GTF2A1L: variants seen among roughly 807,000 people sequenced by gnomAD.
GTF2A1L encodes the protein TFIIA-alpha and beta-like factor.
In GTF2A1L, 48 loss-of-function variants were observed where a neutral mutation model predicts 49.7. The observed-to-expected ratio is 0.97, with a 90% CI of 0.77 to 1.23. GTF2A1L has a LOEUF of 1.23. Ranked by LOEUF, GTF2A1L falls within the 50% of genes most tolerant of loss-of-function variation. The probability of loss-of-function intolerance (pLI) is 0.00; values close to 1 mark genes in which losing one functional copy is unlikely to be tolerated. For missense variants in GTF2A1L, 736 were observed against 564.8 expected, an observed-to-expected ratio of 1.30 and a Z score of -3.07; for synonymous variants, 246 against 193.5, an observed-to-expected ratio of 1.27 and a Z score of -2.25.
chr2:48,659,412 A>T (rs1018618380), intron 6 of GTF2A1L, among the ~76,000 whole-genome samples: 5 of 152,044 alleles, frequency 3.3e-5, no homozygotes, highest in African/African-American at 1.2e-4. Flanking sequence ...GAAATTTAAG[A>T]CTTTCAATTT....
intron 3 of GTF2A1L, among the ~76,000 whole-genome samples, chr2:48,631,701 G>T (rs1676588076): frequency 6.6e-6 from 1 of 151,868 alleles, no homozygotes; most frequent in South Asian, 2.1e-4. Flanking sequence ...TTTTCATCTG[G>T]CTCTAGGGTT....
chr2:48,651,881 C>A (rs963573821), intron 6 of GTF2A1L, among the ~76,000 whole-genome samples: 2 of 152,070 alleles, frequency 1.3e-5, no homozygotes, highest in East Asian at 1.9e-4. Flanking sequence ...CATTGATGAT[C>A]TATGTGGTGG....
intron 8 of GTF2A1L, among the ~76,000 whole-genome samples, chr2:48,677,847 G>A (rs1275024789): frequency 3.3e-5 from 5 of 151,950 alleles, no homozygotes; most frequent in African/African-American, 1.2e-4. Flanking sequence ...TAAGTAGCAA[G>A]CATAAAGAAT....
Position 48,621,376 on chromosome 2 carries a change from G to A in GTF2A1L, c.247+86G>A, listed in dbSNP as rs17037472. On this transcript the variant is annotated intron_variant, in intron 3 of 8. Coordinates refer to ENST00000403751, the MANE Select transcript of GTF2A1L (RefSeq NM_006872.5). ...ATGTTTTTCAGTTAGACAGGGTAAT[G>A]TTCTTAGGGTGAGAAGGCTTGGACA... 91 of 1,580,912 alleles carry A rather than the reference G, an allele frequency of 5.8e-5. 2 individuals are homozygous for A. In the South Asian group the frequency reaches 9.3e-4, roughly 16 times the overall value.
chr2:48,679,072 A>G (rs1291584978), intron 8 of GTF2A1L, among the ~76,000 whole-genome samples: 1 of 151,868 alleles, frequency 6.6e-6, no homozygotes, highest in African/African-American at 2.4e-5. Context: ...TTGGTTTTAC[A>G]TATACAGGAT....
intron 6 of GTF2A1L, among the ~76,000 whole-genome samples, chr2:48,667,345 C>G (rs1678910688): frequency 6.6e-6 from 1 of 152,116 alleles, no homozygotes; most frequent in African/African-American, 2.4e-5. Context: ...GGACATTACT[C>G]TTCTTATAGA....
At chr2:48,664,078 A>C (rs138908770) in intron 6 of GTF2A1L, among the ~76,000 whole-genome samples, 1 of 152,116 alleles carries the variant, frequency 6.6e-6, no homozygotes, top group East Asian at 1.9e-4. Flanking sequence ...TGTAGACTAT[A>C]ATCTATTTTG....
chr2:48,659,365 TTTA>T (rs1275298210), intron 6 of GTF2A1L, among the ~76,000 whole-genome samples: 1 of 152,160 alleles, frequency 6.6e-6, no homozygotes, highest in Non-Finnish European at 1.5e-5. Flanking sequence ...TCACACTATT[TTTA>T]TTATTGTAAT....
At position 48,671,693 on chromosome 2, in the gene GTF2A1L, CCTTT is replaced by C. The variant is rs1228187096; in HGVS notation, c.1329+14_1329+17del. On this transcript the variant is annotated intron_variant, in intron 8 of 8. Coordinates refer to ENST00000403751, the MANE Select transcript of GTF2A1L (RefSeq NM_006872.5). Reference sequence around the variant, plus strand: ...TCAGTATGATAAGGTACTGTATTTACCTTTTGGACTTTGGGTTTATTAACTGCAT... The same window carrying C: ...TCAGTATGATAAGGTACTGTATTTACTGGACTTTGGGTTTATTAACTGCAT... The C allele has an allele frequency of 6.2e-7, 1 of 1,601,410 alleles. No homozygotes were observed. The highest frequency in any genetic ancestry group is 2.2e-5 in the East Asian group (1 of 44,688).
chr2:48,660,847 G>A (rs1678454287), intron 6 of GTF2A1L, among the ~76,000 whole-genome samples: 1 of 152,028 alleles, frequency 6.6e-6, no homozygotes, highest in Non-Finnish European at 1.5e-5. Context: ...TGCCATGCTG[G>A]CCAGGCTGGT....
rs954516995 is a variant in GTF2A1L, at chr2:48,646,749, C to G, written c.685C>G (p.Pro229Ala). 1 of 1,614,036 alleles carries G rather than the reference C, an allele frequency of 6.2e-7. No individual in the cohort carries two copies. The highest frequency in any genetic ancestry group is 8.5e-7 in the Non-Finnish European group (1 of 1,180,034). Residue 229 changes from proline to alanine, a missense_variant, in exon 6 of 9, where the codon CCT becomes GCT. By Grantham distance (27) the Pro-to-Ala change is conservative. Transcript: ENST00000403751. Reference sequence around the variant, plus strand: ...TCCTGGAAATGAGCATAAAATCGTGCCTGAAGCTTTGTTGTGTCATCAGGA... The same window carrying G: ...TCCTGGAAATGAGCATAAAATCGTGGCTGAAGCTTTGTTGTGTCATCAGGA... ...VSPGNEHKIV[P>A]EALLCHQESS...
chr2:48,628,570 A>AT (rs1166235173), intron 3 of GTF2A1L, among the ~76,000 whole-genome samples: 1 of 143,024 alleles, frequency 7.0e-6, no homozygotes, highest in Non-Finnish European at 1.6e-5. Flanking sequence ...GGGTTATTTG[A>AT]TTTTTTGTGA....
intron 6 of GTF2A1L, among the ~76,000 whole-genome samples, chr2:48,666,363 G>A (rs1678840479): frequency 2.6e-5 from 4 of 151,884 alleles, no homozygotes; most frequent in South Asian, 2.1e-4. Flanking sequence ...GTGCCACCAC[G>A]CCCAGCTAAT....
chr2:48,667,997 C>T (rs1297633956), intron 6 of GTF2A1L, among the ~76,000 whole-genome samples: 1 of 152,146 alleles, frequency 6.6e-6, no homozygotes, highest in African/African-American at 2.4e-5. Flanking sequence ...TGCAAATTCC[C>T]AAGACTTTCC....
chr2:48,654,018 G>A (rs893066866), intron 6 of GTF2A1L, among the ~76,000 whole-genome samples: 2 of 151,020 alleles, frequency 1.3e-5, no homozygotes, highest in Admixed American at 6.6e-5. Flanking sequence ...TAGATAAGAT[G>A]ATAAACGTAT....
chr2:48,666,584 G>GGTGT (rs113492704), intron 6 of GTF2A1L, among the ~76,000 whole-genome samples: 19,299 of 146,980 alleles, frequency 0.13, 1,525 homozygotes, highest in East Asian at 0.28. Context: ...AACTTGTCAG[G>GGTGT]GTGTGTGTGT....
At chr2:48,664,233 A>G (rs573542106) in intron 6 of GTF2A1L, among the ~76,000 whole-genome samples, 30 of 152,180 alleles carry the variant, frequency 2.0e-4, no homozygotes, top group Admixed American at 1.3e-3. Flanking sequence ...TCTATCTTTC[A>G]CCAAGTGCTA....
At chr2:48,669,689 C>T (rs1679059108) in intron 6 of GTF2A1L, 33 bp from the exon 7 acceptor site, 1 of 1,579,936 alleles carries the variant, frequency 6.3e-7, no homozygotes. Context: ...CCTTATTTGA[C>T]TTGAACTTTA....
At chr2:48,652,550 G>A (rs1220232743) in intron 6 of GTF2A1L, among the ~76,000 whole-genome samples, 1 of 151,342 alleles carries the variant, frequency 6.6e-6, no homozygotes, top group Non-Finnish European at 1.5e-5. Context: ...GGGAGGCGGA[G>A]GTTGCAGTGA....
Sources: gnomAD v4.1 joint callset for allele counts (sites outside exome capture counted in the v4.1 genomes callset) on GRCh38, gnomAD v4.1.1 for gene constraint, MANE v1.5 for transcripts, NCBI Gene and HGNC (gene_info 2026-07-23, HGNC 2026-07-21) for gene names.